PRKG1: variants seen among roughly 807,000 people sequenced by gnomAD.
PRKG1 encodes the protein protein kinase cGMP-dependent 1, also known as cGMP-dependent protein kinase 1.
In PRKG1, 35 loss-of-function variants were observed where a neutral mutation model predicts 88.1. That is an observed-to-expected ratio of 0.40 (90% CI 0.30 to 0.53). The LOEUF is 0.53. Among genes scored for constraint, PRKG1 ranks in the 20% least tolerant of loss-of-function variants. The probability of loss-of-function intolerance (pLI) is 0.59; values close to 1 mark genes in which losing one functional copy is unlikely to be tolerated. For missense variants in PRKG1, 540 were observed against 839.8 expected (o/e 0.64, Z 4.41); for synonymous variants, 303 against 292.5 (o/e 1.04, Z -0.37).
Position 51,787,699 on chromosome 10 carries a change from G to A in PRKG1, c.593-16886G>A, listed in dbSNP as rs144537871. ...GCCATTCCCTGCTGAAGGAGTTGGC[G>A]CAATTATGTTAACCAAGGGCAGAGT... On this transcript the variant is annotated intron_variant, in intron 3 of 17. Transcript: ENST00000373980. 7.1e-3 allele frequency among the ~76,000 whole-genome samples: 1,076 copies of A among 152,268 alleles called. 13 individuals are homozygous for A. Among genetic ancestry groups the A allele is most frequent in the African/African-American group, 0.022 (911 of 41,564 alleles).
At chr10:52,086,273 T>A (rs1175688166) in intron 7 of PRKG1, among the ~76,000 whole-genome samples, 3 of 152,276 alleles carry the variant, frequency 2.0e-5, no homozygotes, top group Non-Finnish European at 4.4e-5. Flanking sequence ...CTTGTATTTC[T>A]TTTTGTAAAA....
chr10:52,259,255 C>T (rs1234305591), intron 10 of PRKG1, among the ~76,000 whole-genome samples: 1 of 152,034 alleles, frequency 6.6e-6, no homozygotes, highest in African/African-American at 2.4e-5. Context: ...GGTGGCGCTG[C>T]TCCCAGAAAT....
At chr10:51,412,156 C>A (rs1838104465) in intron 2 of PRKG1, among the ~76,000 whole-genome samples, 1 of 135,020 alleles carries the variant, frequency 7.4e-6, no homozygotes, top group Non-Finnish European at 1.5e-5. Flanking sequence ...ATTTAAGGGA[C>A]CAAGCTGATT....
At chr10:51,206,335 C>CA (rs112429563) in intron 2 of PRKG1, among the ~76,000 whole-genome samples, 4,555 of 150,874 alleles carry the variant, frequency 0.03, 102 homozygotes, top group Middle Eastern at 0.058. Flanking sequence ...ACTAAAAATA[C>CA]AAAAAAAATT....
intron 2 of PRKG1, among the ~76,000 whole-genome samples, chr10:51,184,781 A>G (rs898408779): frequency 6.6e-6 from 1 of 152,068 alleles, no homozygotes; most frequent in Non-Finnish European, 1.5e-5. Context: ...CAACTCTTCG[A>G]CCCATCTTTT....
At chr10:52,204,101 T>C (rs55983176) in intron 9 of PRKG1, among the ~76,000 whole-genome samples, 5 of 15,152 alleles carry the variant, frequency 3.3e-4, no homozygotes, top group Admixed American at 3.0e-3. Context: ...ATTATTATTA[T>C]TATTATTTTT....
chr10:51,585,603 C>T (rs1838152940), intron 3 of PRKG1, among the ~76,000 whole-genome samples: 1 of 152,108 alleles, frequency 6.6e-6, no homozygotes, highest in Non-Finnish European at 1.5e-5. Context: ...TTCAATGCAG[C>T]AATTCTGTTA....
chr10:50,997,449 TGTC>T (rs202044029), intron 1 of PRKG1, among the ~76,000 whole-genome samples: 1,002 of 152,286 alleles, frequency 6.6e-3, no homozygotes, highest in Middle Eastern at 0.014. Context: ...AAACAAAAGA[TGTC>T]GTATCTTTTT....
At chr10:51,113,377 G>C (rs1845024746) in intron 1 of PRKG1, among the ~76,000 whole-genome samples, 3 of 152,182 alleles carry the variant, frequency 2.0e-5, no homozygotes, top group African/African-American at 7.2e-5. Context: ...AAGGGTGGCA[G>C]TGTGTTATTC....
intron 5 of PRKG1, among the ~76,000 whole-genome samples, chr10:52,016,996 A>G (rs183956142): frequency 5.6e-4 from 85 of 152,282 alleles, no homozygotes; most frequent in African/African-American, 8.9e-4. Flanking sequence ...GAGAGAGCAT[A>G]GTAGACAAAA....
intron 2 of PRKG1, among the ~76,000 whole-genome samples, chr10:51,313,368 C>T (rs2132493792): frequency 6.6e-6 from 1 of 152,204 alleles, no homozygotes; most frequent in South Asian, 2.1e-4. Context: ...TCTCTCCTCT[C>T]CTATTCAGAG....
intron 4 of PRKG1, among the ~76,000 whole-genome samples, chr10:51,836,797 A>G (rs917668709): frequency 1.3e-5 from 2 of 152,194 alleles, no homozygotes; most frequent in Non-Finnish European, 2.9e-5. Context: ...TTTAACTCAA[A>G]TCTCATGACC....
intron 7 of PRKG1, among the ~76,000 whole-genome samples, chr10:52,113,893 GTAGTT>G (rs1289131108): frequency 6.6e-6 from 1 of 152,150 alleles, no homozygotes; most frequent in Non-Finnish European, 1.5e-5. Context: ...CACTGTGAAT[GTAGTT>G]TAGAGTCTGC....
intron 3 of PRKG1, among the ~76,000 whole-genome samples, chr10:51,685,058 A>T (rs1840952321): frequency 6.6e-6 from 1 of 152,184 alleles, no homozygotes; most frequent in Non-Finnish European, 1.5e-5. Context: ...TAAATTTTTC[A>T]CTGTTGCCCA....
chr10:51,520,879 T>A (rs574796627), intron 3 of PRKG1, among the ~76,000 whole-genome samples: 1 of 152,240 alleles, frequency 6.6e-6, no homozygotes, highest in Non-Finnish European at 1.5e-5. Flanking sequence ...ACATGCAGTC[T>A]TCTTTAGACA....
chr10:52,169,728 A>G (rs1589668907), intron 9 of PRKG1, among the ~76,000 whole-genome samples: 1 of 152,228 alleles, frequency 6.6e-6, no homozygotes, highest in East Asian at 1.9e-4. Flanking sequence ...GCTACAAATG[A>G]ATCTAATTTT....
At chr10:51,596,262 A>C (rs888143993) in intron 3 of PRKG1, among the ~76,000 whole-genome samples, 19 of 152,198 alleles carry the variant, frequency 1.2e-4, no homozygotes, top group African/African-American at 4.6e-4. Flanking sequence ...GGTAGTCAAA[A>C]AATAATTGTT....
rs1463603596 is a variant in PRKG1 at position 51,856,307 on chromosome 10, T to C, written c.699-51200T>C. Among the ~76,000 whole-genome samples the C allele has an allele frequency of 2.0e-5, 3 of 152,180 alleles. No individual in the cohort carries two copies. In the East Asian group the frequency reaches 5.8e-4, roughly 29 times the overall value. ...TGACATGGACATCTTTGGGAGGCCATTATTCAGCCAACTACCCCAGGTTAG... is the reference window on the plus strand; with the variant it reads ...TGACATGGACATCTTTGGGAGGCCACTATTCAGCCAACTACCCCAGGTTAG... On this transcript the variant is annotated intron_variant, in intron 4 of 17. Coordinates refer to ENST00000373980, the MANE Select transcript of PRKG1 (RefSeq NM_006258.4).
At chr10:51,825,204 A>G (rs986181739) in intron 4 of PRKG1, among the ~76,000 whole-genome samples, 4 of 152,152 alleles carry the variant, frequency 2.6e-5, no homozygotes, top group Non-Finnish European at 4.4e-5. Context: ...GTATACATGT[A>G]CATTTTCTGT....
Sources: allele counts gnomAD v4.1 joint callset (sites outside exome capture counted in the v4.1 genomes callset), GRCh38; gene constraint gnomAD v4.1.1; transcripts MANE v1.5; gene names NCBI Gene and HGNC (gene_info 2026-07-23, HGNC 2026-07-21).